The following TGM3 variants were observed in gnomAD, a reference collection of about 807,000 sequenced individuals.
The protein encoded by TGM3 is transglutaminase 3.
TGM3 carries 52 observed loss-of-function variants against 73.8 expected under a neutral mutation model. The ratio of observed to expected loss-of-function variants is 0.70; its 90% CI spans 0.56 to 0.89. TGM3 has a LOEUF of 0.89. Among genes scored for constraint, TGM3 ranks in the 40% least tolerant of loss-of-function variants. TGM3 has a pLI of 0.00. For synonymous variants in TGM3, 372 were observed against 354.9 expected, an observed-to-expected ratio of 1.05 and a Z score of -0.54; for missense variants, 928 against 909.9, an observed-to-expected ratio of 1.02 and a Z score of -0.26.
Position 2,317,062 on chromosome 20 carries a change from G to A in TGM3, c.670-6G>A. ...GACTCATTTTGGGGGGGTGGTTTCT[G>A]CCCAGATCAATAGCAATGATGACAA... On this transcript the variant is annotated splice_region_variant and splice_polypyrimidine_tract_variant and intron_variant, in intron 5 of 12. Coordinates refer to ENST00000381458, the MANE Select transcript of TGM3 (RefSeq NM_003245.4). 1 of 1,613,286 alleles carries A rather than the reference G, an allele frequency of 6.2e-7. No homozygotes were observed. Among genetic ancestry groups the A allele is most frequent in the Non-Finnish European group, 8.5e-7 (1 of 1,179,832 alleles).
rs938692815 is a variant in TGM3, at chr20:2,328,456, C to T, written c.1333+91C>T. ...GGAGAGGAGAAAAGTCCTCACCTCC[C>T]CCGCACTGGCAGCCAGTTCTGCCTG... is the stretch of plus-strand genomic sequence containing the variant. On this transcript the variant is annotated intron_variant, in intron 9 of 12. Transcript: ENST00000381458. The surrounding 1 kb of genome is among the most constrained non-coding windows in gnomAD (Gnocchi z 5.2). The T allele has an allele frequency of 7.6e-5, 116 of 1,528,542 alleles. 1 individual carries two copies. Among genetic ancestry groups the T allele is most frequent in the African/African-American group, 5.6e-4 (41 of 73,590 alleles). 94.7% of individuals were successfully genotyped at this position (1,528,542 alleles called of 1,614,324 possible).
intron 1 of TGM3, among the ~76,000 whole-genome samples, chr20:2,297,187 C>T (rs1014258282): frequency 3.0e-4 from 45 of 152,226 alleles, no homozygotes; most frequent in Admixed American, 2.0e-4. Flanking sequence ...GGGGTGGAAC[C>T]TTACACACAG....
chr20:2,313,144 G>A, intron 5 of TGM3, 118 bp downstream of exon 5: 1 of 1,426,666 alleles, frequency 7.0e-7, no homozygotes, highest in Non-Finnish European at 9.5e-7. Flanking sequence ...AATTACAGCT[G>A]GTGGTTAGAA....
At position 2,328,337 on chromosome 20, in the gene TGM3, C is replaced by A. The variant is rs776078400; in HGVS notation, c.1305C>A (p.Asp435Glu). The A allele has an allele frequency of 1.2e-6, 2 of 1,614,126 alleles. No individual in the cohort carries two copies. The highest frequency in any genetic ancestry group is 2.2e-5 in the South Asian group (2 of 91,074). The change falls in exon 9 of 13, where the codon GAC becomes GAA. Residue 435 changes from aspartate (D) to glutamate (E), a missense_variant. Physicochemically the swap from Asp to Glu is conservative, Grantham distance 45 (BLOSUM62 2). Coordinates refer to ENST00000381458, the MANE Select transcript of TGM3 (RefSeq NM_003245.4). This position sits in a 1 kb window ranked among gnomAD's most constrained non-coding sequence, Gnocchi z 5.2. ...CGGTGGGCAGCAATGCTCGCATGGA[C>A]GTCACGGACAAGTACAAGTACCCAG... The part of the protein sequence containing the change: ...TKAVGSNARM[D>E]VTDKYKYPEG...
chr20:2,331,908 A>C, intron 9 of TGM3, 94 bp from the exon 10 acceptor site: 1 of 1,426,674 alleles, frequency 7.0e-7, no homozygotes, highest in Non-Finnish European at 9.5e-7. Flanking sequence ...TGGAGCCAGC[A>C]CCAGTCCTAG....
intron 9 of TGM3, among the ~76,000 whole-genome samples, chr20:2,329,264 A>G (rs956304073): frequency 8.5e-5 from 13 of 152,340 alleles, no homozygotes; most frequent in African/African-American, 2.6e-4. Context: ...GTAAGCCCTG[A>G]ATCTCTAAGT....
At chr20:2,329,787 G>T (rs1166763296) in intron 9 of TGM3, among the ~76,000 whole-genome samples, 1 of 152,192 alleles carries the variant, frequency 6.6e-6, no homozygotes. Context: ...TCTTCAGCGG[G>T]ATTTAAATGA....
chr20:2,324,452 C>T (rs573439682), intron 7 of TGM3, among the ~76,000 whole-genome samples: 23 of 152,284 alleles, frequency 1.5e-4, no homozygotes, highest in African/African-American at 2.2e-4. Context: ...ATACCCCAGA[C>T]GCTGGATGTG....
Position 2,310,252 on chromosome 20 carries a change from G to T in TGM3, c.256G>T (p.Ala86Ser). The T allele has an allele frequency of 6.2e-7, 1 of 1,614,234 alleles. No homozygotes were observed. Among genetic ancestry groups the T allele is most frequent in the Non-Finnish European group, 8.5e-7 (1 of 1,180,052 alleles). ...CAATGGCAGTAGTGGTGGCTGGAGT[G>T]CGGTGCTTCAGGCCAGCAATGGCAA... The part of the protein sequence containing the change: ...LSNGSSGGWS[A>S]VLQASNGNTL... The change falls in exon 3 of 13, where the codon GCG becomes TCG. Residue 86 changes from alanine to serine, a missense_variant. Transcript: ENST00000381458.
At chr20:2,316,937 C>A in intron 5 of TGM3, 131 bp from the exon 6 acceptor site, 1 of 1,087,936 alleles carries the variant, frequency 9.2e-7, no homozygotes, top group Non-Finnish European at 1.3e-6. Flanking sequence ...CCTAGAAAGA[C>A]AAAGAAAAGT....
chr20:2,321,404 G>A (rs1435433055), intron 7 of TGM3, among the ~76,000 whole-genome samples: 3 of 152,180 alleles, frequency 2.0e-5, no homozygotes, highest in Non-Finnish European at 4.4e-5. Context: ...TGGCGTGTCA[G>A]GAAAGGCTTT....
chr20:2,336,818 G>T (rs1159295744), intron 11 of TGM3, among the ~76,000 whole-genome samples: 2 of 151,926 alleles, frequency 1.3e-5, no homozygotes, highest in Non-Finnish European at 2.9e-5. Flanking sequence ...TGGTGACACT[G>T]AGCAGGTCCC....
At chr20:2,296,155 C>A in intron 1 of TGM3, 85 bp downstream of exon 1, 4 of 1,492,676 alleles carry the variant, frequency 2.7e-6, no homozygotes, top group Non-Finnish European at 3.6e-6. Context: ...GAGTGTCCGG[C>A]CAGGACAGCT....
At chr20:2,304,753 C>G (rs1380106425) in intron 1 of TGM3, among the ~76,000 whole-genome samples, 1 of 152,212 alleles carries the variant, frequency 6.6e-6, no homozygotes, top group Non-Finnish European at 1.5e-5. Context: ...CCCTTCAACT[C>G]AATTCTCACA....
chr20:2,304,739 C>T (rs2084168713), intron 1 of TGM3, among the ~76,000 whole-genome samples: 1 of 152,130 alleles, frequency 6.6e-6, no homozygotes, highest in Non-Finnish European at 1.5e-5. Context: ...CACCGGGTGT[C>T]CTACCCTTCA....
At chr20:2,319,310 A>C (rs1196800206) in intron 7 of TGM3, among the ~76,000 whole-genome samples, 1 of 152,150 alleles carries the variant, frequency 6.6e-6, no homozygotes, top group African/African-American at 2.4e-5. Context: ...TGGAAAGCTT[A>C]AGTCTCAGTT....
chr20:2,317,477 T>A lies in TGM3; in HGVS notation c.975T>A (p.Asp325Glu), dbSNP rs776863698. 4.3e-6 allele frequency: 7 copies of A among 1,614,230 alleles called. No homozygotes were observed. The highest frequency in any genetic ancestry group is 1.7e-6 in the Non-Finnish European group (2 of 1,180,034). Residue 325 changes from aspartate to glutamate, a missense_variant, in exon 7 of 13, where the codon GAT (aspartate) becomes GAA (glutamate). Asp to Glu is a conservative substitution (Grantham distance 45, BLOSUM62 2). Coordinates refer to ENST00000381458, the MANE Select transcript of TGM3 (RefSeq NM_003245.4). Reference sequence around the variant, plus strand: ...GAAACCCCCTGGACAAGGGTAGTGATAGCGTATGGTAAGTATCTCACCTTT... The same window carrying A: ...GAAACCCCCTGGACAAGGGTAGTGAAAGCGTATGGTAAGTATCTCACCTTT... Reference protein sequence around the residue: ...PMGNPLDKGSDSVWNFHVWNE... With the variant: ...PMGNPLDKGSESVWNFHVWNE...
intron 3 of TGM3, 131 bp from the exon 4 acceptor site, chr20:2,310,880 G>A: frequency 1.3e-6 from 1 of 760,258 alleles, no homozygotes. Context: ...ACAGCCCAAG[G>A]GTCAGGGGAG....
chr20:2,297,855 G>A (rs1286298145), intron 1 of TGM3, among the ~76,000 whole-genome samples: 1 of 152,178 alleles, frequency 6.6e-6, no homozygotes, highest in Admixed American at 6.5e-5. Context: ...ATGTGGTTCT[G>A]TCCTCGGTAG....
Sources: gnomAD v4.1 joint callset for allele counts (sites outside exome capture counted in the v4.1 genomes callset) on GRCh38, gnomAD v4.1.1 for gene constraint, Gnocchi (gnomAD v3.1) non-coding constraint, MANE v1.5 for transcripts, NCBI Gene and HGNC (gene_info 2026-07-23, HGNC 2026-07-21) for gene names.